Variants in ANLN observed in about 807,000 individuals in gnomAD.
ANLN encodes the protein anillin, actin binding protein, also known as anillin.
Under a neutral mutation model 135.1 loss-of-function variants are expected in ANLN, and 59 were observed. That is an observed-to-expected ratio of 0.44 (90% CI 0.35 to 0.54). ANLN has a LOEUF of 0.54. Ranked by LOEUF, ANLN falls within the 20% of genes least tolerant of loss-of-function variation. ANLN has a pLI of 0.00. For missense variants in ANLN, 1,182 were observed against 1,340.0 expected (o/e 0.88, Z 1.84); for synonymous variants, 406 against 456.4 (o/e 0.89, Z 1.41).
chr7:36,423,293 A>G (rs1257307968), intron 14 of ANLN, among the ~76,000 whole-genome samples: 3 of 152,120 alleles, frequency 2.0e-5, no homozygotes, highest in Admixed American at 1.3e-4. Context: ...AAGGTAATTT[A>G]GGTTCTAATT....
chr7:36,415,851 A>T lies in ANLN; in HGVS notation c.1489A>T (p.Ile497Leu). 3 of 1,605,324 alleles carry T rather than the reference A, an allele frequency of 1.9e-6. No homozygotes were observed. Among genetic ancestry groups the T allele is most frequent in the Non-Finnish European group, 2.5e-6 (3 of 1,177,120 alleles). ...PVTEKVTENQIPAKNSSTEPK... is the reference protein window; with the variant it reads ...PVTEKVTENQLPAKNSSTEPK... ...AACAGAAAAGGTGACCGAAAACCAG[A>T]TACCAGCCAAAAATTCTAGTACAGA... Residue 497 changes from isoleucine (I) to leucine (L), a missense_variant, in exon 8 of 24, where the codon ATA (isoleucine) becomes TTA (leucine). This residue lies in a region of ANLN where 1,022 missense variants were observed against 1,134.0 expected (regional missense o/e 0.90). Transcript: ENST00000265748.
At chr7:36,434,001 G>T (rs1362499337) in intron 20 of ANLN, among the ~76,000 whole-genome samples, 5 of 151,978 alleles carry the variant, frequency 3.3e-5, no homozygotes, top group Admixed American at 2.0e-4. Context: ...ATCATCTGTG[G>T]ATCTGCTATT....
chr7:36,452,876 C>T lies in ANLN; in HGVS notation c.*276C>T, dbSNP rs759802169. On this transcript the variant is annotated 3_prime_UTR_variant, in exon 24 of 24. Coordinates refer to ENST00000265748, the MANE Select transcript of ANLN (RefSeq NM_018685.5). ...CTAGAAATCTAATTATTCAGTTATT[C>T]ATGACAATATTTTTTTAAAAGTAAG... The T allele has an allele frequency of 1.4e-5, 3 of 222,174 alleles. No homozygotes were observed. The highest frequency in any genetic ancestry group is 2.6e-5 in the Non-Finnish European group (3 of 114,154). 13.8% of individuals were successfully genotyped at this position (222,174 alleles called of 1,614,324 possible). A position where few individuals can be genotyped will look rare whatever the true frequency, so the allele number is the denominator to read the frequency against.
At chr7:36,417,006 AC>A (rs1787669839) in intron 8 of ANLN, 73 bp from the exon 9 acceptor site, 10 of 766,384 alleles carry the variant, frequency 1.3e-5, no homozygotes, top group Admixed American at 3.4e-5. Context: ...AAAAAAAAAC[AC>A]ACACAAGATT....
rs879533732 is a variant in ANLN at position 36,437,774 on chromosome 7, ATTTT to A, written c.2884-1429_2884-1426del. ...TAAGAGTTTTATTTTATTTTATTTT[ATTTT>A]AAAAATTTTTTTTTGAGAGTTTCAC... is the stretch of plus-strand genomic sequence containing the variant. On this transcript the variant is annotated intron_variant, in intron 20 of 23. Transcript: ENST00000265748. 6.8e-3 allele frequency among the ~76,000 whole-genome samples: 1,038 copies of A among 151,798 alleles called. 6 individuals are homozygous for A. The highest frequency in any genetic ancestry group is 9.8e-3 in the Non-Finnish European group (667 of 67,910).
At chr7:36,392,324 A>G (rs1323218072) in intron 1 of ANLN, among the ~76,000 whole-genome samples, 1 of 152,154 alleles carries the variant, frequency 6.6e-6, no homozygotes, top group Non-Finnish European at 1.5e-5. Context: ...ATTGAAAATA[A>G]TAAGAAGTTA....
chr7:36,409,895 C>G (rs1042460502), intron 5 of ANLN, among the ~76,000 whole-genome samples: 1 of 152,114 alleles, frequency 6.6e-6, no homozygotes, highest in Non-Finnish European at 1.5e-5. Flanking sequence ...TGGTCTCGAA[C>G]TCCTGAGCTC....
intron 20 of ANLN, among the ~76,000 whole-genome samples, chr7:36,434,508 T>C (rs1211828372): frequency 6.6e-6 from 1 of 152,204 alleles, no homozygotes; most frequent in Non-Finnish European, 1.5e-5. Flanking sequence ...TATGGCAAGG[T>C]TGCTCCTCTG....
chr7:36,449,915 C>T, intron 23 of ANLN, 78 bp downstream of exon 23: 1 of 1,405,298 alleles, frequency 7.1e-7, no homozygotes, highest in Non-Finnish European at 9.7e-7. Context: ...TGAGAAATAT[C>T]ACAGATGGTC....
intron 18 of ANLN, 71 bp from the exon 19 acceptor site, chr7:36,425,944 T>C: frequency 7.7e-7 from 1 of 1,305,672 alleles, no homozygotes; most frequent in Non-Finnish European, 1.1e-6. Flanking sequence ...GAGTGATTCA[T>C]ATTTAAATCT....
Position 36,435,403 on chromosome 7 carries a change from A to G in ANLN, c.2884-3801A>G, listed in dbSNP as rs578062687. On this transcript the variant is annotated intron_variant, in intron 20 of 23. Coordinates refer to ENST00000265748, the MANE Select transcript of ANLN (RefSeq NM_018685.5). ...GAGATGGTGGGGGGGGGGTCTCAGTATGTTGCCCAGGCTGGTCTTGAACTC... is the reference window on the plus strand; with the variant it reads ...GAGATGGTGGGGGGGGGGTCTCAGTGTGTTGCCCAGGCTGGTCTTGAACTC... Among the ~76,000 whole-genome samples the G allele has an allele frequency of 1.7e-3, 249 of 150,378 alleles. 1 individual carries two copies. The highest frequency in any genetic ancestry group is 5.8e-3 in the African/African-American group (238 of 40,874).
intron 3 of ANLN, among the ~76,000 whole-genome samples, chr7:36,403,848 C>T (rs936947806): frequency 5.9e-5 from 9 of 152,222 alleles, no homozygotes; most frequent in African/African-American, 2.2e-4. Context: ...TTGCATTTTT[C>T]GTAGGTTTTG....
Position 36,407,797 on chromosome 7 carries a change from A to G in ANLN, c.937A>G (p.Asn313Asp). ...ITDAKSCEGQ[N>D]PELLPKTPIS... is the part of the protein sequence containing the mutation. ...TGATGCTAAAAGTTGTGAGGGACAA[A>G]ATCCTGAGCTACTTCCAAAAACTCC... The change falls in exon 5 of 24, where the codon AAT (asparagine) becomes GAT (aspartate). Residue 313 changes from asparagine to aspartate, a missense_variant. By Grantham distance (23) the Asn-to-Asp change is conservative. Transcript: ENST00000265748. 1.2e-6 allele frequency: 2 copies of G among 1,613,900 alleles called. No individual in the cohort carries two copies. Among genetic ancestry groups the G allele is most frequent in the Non-Finnish European group, 1.7e-6 (2 of 1,179,830 alleles).
At chr7:36,435,963 A>G (rs1377186097) in intron 20 of ANLN, among the ~76,000 whole-genome samples, 1 of 151,738 alleles carries the variant, frequency 6.6e-6, no homozygotes, top group African/African-American at 2.4e-5. Context: ...AATGTATTGA[A>G]ATGAAATTCA....
chr7:36,421,627 A>G (rs984037816), intron 12 of ANLN, among the ~76,000 whole-genome samples: 2 of 152,040 alleles, frequency 1.3e-5, no homozygotes, highest in Admixed American at 1.3e-4. Flanking sequence ...TAACTTTAAT[A>G]AGTATGAATT....
intron 23 of ANLN, among the ~76,000 whole-genome samples, chr7:36,451,593 C>CACTT (rs1436096160): frequency 1.3e-5 from 2 of 152,168 alleles, no homozygotes; most frequent in Non-Finnish European, 2.9e-5. Context: ...TGAGTAAACA[C>CACTT]ACTTAGCACA....
intron 1 of ANLN, chr7:36,390,291 C>T (rs995175820): frequency 3.1e-5 from 18 of 583,686 alleles, no homozygotes; most frequent in Non-Finnish European, 5.1e-5. Flanking sequence ...TCCTAAAAGG[C>T]TGTTGCGAGA....
At chr7:36,452,120 G>A (rs1789268169) in intron 23 of ANLN, among the ~76,000 whole-genome samples, 1 of 152,162 alleles carries the variant, frequency 6.6e-6, no homozygotes, top group African/African-American at 2.4e-5. Context: ...TTCAGGGAGT[G>A]CCTATAATCA....
At chr7:36,425,774 G>T in intron 18 of ANLN, 34 bp downstream of exon 18, 1 of 1,597,742 alleles carries the variant, frequency 6.3e-7, no homozygotes, top group East Asian at 2.2e-5. Context: ...GAGCTTCCTT[G>T]AGAAATCTTC....
Sources: allele counts gnomAD v4.1 joint callset (sites outside exome capture counted in the v4.1 genomes callset), GRCh38; gene constraint gnomAD v4.1.1; regional missense constraint gnomAD v4.1.1; transcripts MANE v1.5; gene names NCBI Gene and HGNC (gene_info 2026-07-23, HGNC 2026-07-21).